The following FRMD6 variants were observed in gnomAD, a reference collection of about 807,000 sequenced individuals.
FRMD6 encodes the protein FERM domain-containing protein 6.
In FRMD6, 37 loss-of-function variants were observed where a neutral mutation model predicts 73.2. The ratio of observed to expected loss-of-function variants is 0.51; its 90% CI spans 0.39 to 0.66. The LOEUF (loss-of-function observed/expected upper bound fraction) is 0.66, where lower values mean the gene tolerates loss of function less well. Among genes scored for constraint, FRMD6 ranks in the 30% least tolerant of loss-of-function variants. FRMD6 has a pLI of 0.00. For missense variants in FRMD6, 714 were observed against 780.5 expected, an observed-to-expected ratio of 0.91 and a Z score of 1.02; for synonymous variants, 273 against 282.2, an observed-to-expected ratio of 0.97 and a Z score of 0.33.
chr14:51,420,824 G>C, the FRMD6 span, among the ~76,000 whole-genome samples: 2 of 152,066 alleles, frequency 1.3e-5, no homozygotes, highest in African/African-American at 4.8e-5. Flanking sequence ...ACCCAGACTG[G>C]AGTGCAGTGG....
At chr14:51,421,493 G>A in the FRMD6 span, among the ~76,000 whole-genome samples, 2 of 152,206 alleles carry the variant, frequency 1.3e-5, no homozygotes, top group African/African-American at 4.8e-5. Context: ...AATAAATTAG[G>A]CTTGACAATT....
intron 1 of FRMD6, among the ~76,000 whole-genome samples, chr14:51,542,310 C>T (rs1886242679): frequency 6.6e-6 from 1 of 152,064 alleles, no homozygotes; most frequent in Non-Finnish European, 1.5e-5. Flanking sequence ...CGCAGTCTGA[C>T]AACTACCAAT....
chr14:51,728,181 G>A lies in FRMD6; in HGVS notation c.*152G>A. The A allele has an allele frequency of 1.4e-6, 1 of 708,408 alleles. No homozygotes were observed. The highest frequency in any genetic ancestry group is 2.3e-6 in the Non-Finnish European group (1 of 443,038). 43.9% of individuals were successfully genotyped at this position (708,408 alleles called of 1,614,324 possible). A position where few individuals can be genotyped will look rare whatever the true frequency, so the allele number is the denominator to read the frequency against. On this transcript the variant is annotated 3_prime_UTR_variant, in exon 14 of 14. Coordinates refer to ENST00000344768, the MANE Select transcript of FRMD6 (RefSeq NM_001267046.2). ...TTGTGATGATGGAAACAAAAGCCTT[G>A]GAACAATTGCACTTTAAGTATTACA... is the stretch of plus-strand genomic sequence containing the variant.
the FRMD6 span, among the ~76,000 whole-genome samples, chr14:51,448,407 G>C: frequency 6.6e-6 from 1 of 152,198 alleles, no homozygotes; most frequent in Non-Finnish European, 1.5e-5. Flanking sequence ...CATTAAAGTT[G>C]TAAGCTCCTT....
Position 51,701,122 on chromosome 14 carries a change from A to C in FRMD6, c.257A>C (p.Lys86Thr). 6.3e-7 allele frequency: 1 copy of C among 1,588,702 alleles called. No individual in the cohort carries two copies. The highest frequency in any genetic ancestry group is 1.7e-5 in the Admixed American group (1 of 58,346). Residue 86 changes from lysine to threonine, a missense_variant, in exon 4 of 14, where the codon AAA (lysine) becomes ACA (threonine). By Grantham distance (78) the Lys-to-Thr change is moderately conservative. Coordinates refer to ENST00000344768, the MANE Select transcript of FRMD6 (RefSeq NM_001267046.2). ...LYKYCPKEWKKEASKVRQYEV... is the reference protein window; with the variant it reads ...LYKYCPKEWKTEASKVRQYEV... ...AAATATTGTCCAAAAGAATGGAAGA[A>C]AGAGGCCAGCAAGGTACGACAATAC... is the stretch of plus-strand genomic sequence containing the variant.
intron 2 of FRMD6, among the ~76,000 whole-genome samples, chr14:51,583,770 G>A (rs1349123550): frequency 1.3e-5 from 2 of 152,200 alleles, no homozygotes; most frequent in African/African-American, 2.4e-5. Context: ...GCAGCCCGAA[G>A]TCACTCAGGA....
At chr14:51,457,649 G>A in the FRMD6 span, among the ~76,000 whole-genome samples, 1 of 152,156 alleles carries the variant, frequency 6.6e-6, no homozygotes, top group Non-Finnish European at 1.5e-5. Flanking sequence ...GTAGGTTCCA[G>A]GTATTAGAAA....
intron 2 of FRMD6, among the ~76,000 whole-genome samples, chr14:51,590,613 C>T (rs151073194): frequency 1.9e-3 from 295 of 152,184 alleles, no homozygotes; most frequent in African/African-American, 6.3e-3. Flanking sequence ...AGAACAGTAA[C>T]GACAGTAATT....
At chr14:51,678,961 T>A (rs1894592957) in intron 1 of FRMD6, among the ~76,000 whole-genome samples, 1 of 152,098 alleles carries the variant, frequency 6.6e-6, no homozygotes, top group Non-Finnish European at 1.5e-5. Flanking sequence ...AGAACTGCAG[T>A]AATTCAGAAC....
intron 2 of FRMD6, among the ~76,000 whole-genome samples, chr14:51,598,213 C>A (rs986342919): frequency 6.6e-6 from 1 of 151,998 alleles, no homozygotes; most frequent in East Asian, 1.9e-4. Context: ...CCCAAAAAAC[C>A]AAACCAGAAA....
the FRMD6 span, among the ~76,000 whole-genome samples, chr14:51,471,493 T>G: frequency 6.9e-6 from 1 of 144,238 alleles, no homozygotes; most frequent in Non-Finnish European, 1.5e-5. Flanking sequence ...AGAGCCAGAC[T>G]CCGTCTCGAA....
At chr14:51,616,210 T>A (rs1890703518) in intron 2 of FRMD6, among the ~76,000 whole-genome samples, 1 of 152,198 alleles carries the variant, frequency 6.6e-6, no homozygotes, top group South Asian at 2.1e-4. Context: ...GGAGGTGATG[T>A]TATTAGCTTA....
At chr14:51,540,370 G>C (rs1886139399) in intron 1 of FRMD6, among the ~76,000 whole-genome samples, 1 of 152,146 alleles carries the variant, frequency 6.6e-6, no homozygotes, top group African/African-American at 2.4e-5. Flanking sequence ...GTATATTTTA[G>C]ATGTTCCTTA....
At chr14:51,700,077 G>T (rs1287768170) in intron 3 of FRMD6, among the ~76,000 whole-genome samples, 1 of 151,782 alleles carries the variant, frequency 6.6e-6, no homozygotes. Context: ...ATTCAGCTTG[G>T]AGTCAAAGTG....
chr14:51,442,416 A>C, the FRMD6 span, among the ~76,000 whole-genome samples: 1 of 152,064 alleles, frequency 6.6e-6, no homozygotes, highest in Non-Finnish European at 1.5e-5. Flanking sequence ...TCCCTTGATG[A>C]ATAATTTTAG....
At chr14:51,519,791 C>T (rs1266964405) in intron 1 of FRMD6, among the ~76,000 whole-genome samples, 1 of 152,174 alleles carries the variant, frequency 6.6e-6, no homozygotes, top group Non-Finnish European at 1.5e-5. Flanking sequence ...CTCCTGGTAG[C>T]ACAAAATTTG....
intron 1 of FRMD6, among the ~76,000 whole-genome samples, chr14:51,659,255 C>T (rs1893046547): frequency 2.6e-5 from 4 of 152,148 alleles, no homozygotes; most frequent in Admixed American, 1.3e-4. Context: ...CAGGATTGTT[C>T]TTATTTTTAA....
At chr14:51,567,320 A>G (rs532628160) in intron 1 of FRMD6, among the ~76,000 whole-genome samples, 3 of 152,176 alleles carry the variant, frequency 2.0e-5, no homozygotes, top group Non-Finnish European at 4.4e-5. Context: ...AGACTTCTAG[A>G]TGCTACCATG....
intron 2 of FRMD6, among the ~76,000 whole-genome samples, chr14:51,612,547 T>G (rs1950926): frequency 0.33 from 50,514 of 152,116 alleles, 10,300 homozygotes; most frequent in East Asian, 0.85. Flanking sequence ...TCAATTTCAC[T>G]TCTATAAAAT....
Sources: allele counts gnomAD v4.1 joint callset (sites outside exome capture counted in the v4.1 genomes callset), GRCh38; gene constraint gnomAD v4.1.1; transcripts MANE v1.5; gene names NCBI Gene and HGNC (gene_info 2026-07-23, HGNC 2026-07-21).